SLC28A3: variants seen among roughly 807,000 people sequenced by gnomAD.
The protein encoded by SLC28A3 is solute carrier family 28 member 3, also known as concentrative Na(+)-nucleoside cotransporter 3.
In SLC28A3, 68 loss-of-function variants were observed where a neutral mutation model predicts 84.2. That is an observed-to-expected ratio of 0.81 (90% confidence interval 0.66 to 0.99). The LOEUF is 0.99. Ranked by LOEUF, SLC28A3 falls within the 50% of genes least tolerant of loss-of-function variation. The pLI is 0.00. For synonymous variants in SLC28A3, 267 were observed against 303.6 expected (o/e 0.88, Z 1.25); for missense variants, 712 against 841.5 (o/e 0.85, Z 1.90).
intron 16 of SLC28A3, 117 bp downstream of exon 16, chr9:84,279,858 C>G (rs1225883679): frequency 2.1e-6 from 2 of 953,346 alleles, no homozygotes; most frequent in Non-Finnish European, 3.2e-6. Flanking sequence ...AAGAGCAGCT[C>G]TAACTCTCAG....
chr9:84,285,681 T>C (rs1824953828), intron 13 of SLC28A3, 139 bp from the exon 14 acceptor site: 1 of 976,844 alleles, frequency 1.0e-6, no homozygotes, highest in Non-Finnish European at 1.5e-6. Context: ...TCTTTACCCA[T>C]CAGGAATCAG....
chr9:84,327,537 C>T (rs139123000), intron 1 of SLC28A3, among the ~76,000 whole-genome samples: 111 of 152,168 alleles, frequency 7.3e-4, no homozygotes, highest in African/African-American at 2.6e-3. Context: ...GGAGTCTAGC[C>T]GTTTTGAAGG....
the SLC28A3 span, among the ~76,000 whole-genome samples, chr9:84,356,617 G>T: frequency 1.3e-5 from 2 of 152,072 alleles, no homozygotes; most frequent in Non-Finnish European, 2.9e-5. Context: ...GGATCACAAG[G>T]TTAGGAATTC....
intron 8 of SLC28A3, among the ~76,000 whole-genome samples, chr9:84,296,775 T>C (rs925870493): frequency 6.6e-6 from 1 of 152,236 alleles, no homozygotes; most frequent in African/African-American, 2.4e-5. Context: ...GTTGATGTGG[T>C]TGACCGGCTG....
In SLC28A3 at chr9:84,280,803, A is replaced by G. The variant is rs1318940471; in HGVS notation, c.1727T>C (p.Leu576Pro). ...IGSLGIVIGG[L>P]TSMAPSRKRD... The stretch of plus-strand genomic sequence containing the variant: ...TGAAGAATGTTCTTTTCACTTACTG[A>G]GTCCGCCGATCACGATTCCTAGGGA... The change falls in exon 15 of 18, where the codon CTC becomes CCC. Residue 576 changes from leucine (L) to proline (P), a missense_variant and splice_region_variant. Transcript: ENST00000376238. 1 of 1,613,966 alleles carries G rather than the reference A, an allele frequency of 6.2e-7. No homozygotes were observed. The highest frequency in any genetic ancestry group is 1.3e-5 in the African/African-American group (1 of 74,920).
chr9:84,298,348 G>A (rs372140288), intron 6 of SLC28A3, among the ~76,000 whole-genome samples: 5 of 152,082 alleles, frequency 3.3e-5, no homozygotes, highest in East Asian at 1.9e-4. Context: ...GAAGCCAGGC[G>A]TGGTGGTGAA....
the SLC28A3 span, among the ~76,000 whole-genome samples, chr9:84,361,269 T>C: frequency 6.6e-6 from 1 of 152,130 alleles, no homozygotes; most frequent in Non-Finnish European, 1.5e-5. Flanking sequence ...TGCTTGAACC[T>C]GGGAGGCAAA....
At chr9:84,326,681 CA>C in intron 1 of SLC28A3, among the ~76,000 whole-genome samples, 1 of 137,942 alleles carries the variant, frequency 7.2e-6, no homozygotes, top group Non-Finnish European at 1.6e-5. Flanking sequence ...ACAACAACAA[CA>C]ACCAGGTCTT....
intron 1 of SLC28A3, among the ~76,000 whole-genome samples, chr9:84,317,211 C>A (rs1298272528): frequency 6.6e-6 from 1 of 152,038 alleles, no homozygotes; most frequent in East Asian, 1.9e-4. Flanking sequence ...ATTCTTTGGG[C>A]CTGGTGAAGA....
the SLC28A3 span, among the ~76,000 whole-genome samples, chr9:84,349,149 G>GGATA: frequency 6.6e-6 from 1 of 152,218 alleles, no homozygotes; most frequent in African/African-American, 2.4e-5. Flanking sequence ...TACAGGTTTT[G>GGATA]GGATAGGTGG....
chr9:84,359,214 C>T, the SLC28A3 span, among the ~76,000 whole-genome samples: 1 of 152,160 alleles, frequency 6.6e-6, no homozygotes, highest in African/African-American at 2.4e-5. Flanking sequence ...GGCCATGAGC[C>T]CTCTAATACC....
chr9:84,299,586 T>C lies in SLC28A3; in HGVS notation c.664A>G (p.Thr222Ala). The C allele has an allele frequency of 1.2e-6, 2 of 1,613,682 alleles. No homozygotes were observed. Among genetic ancestry groups the C allele is most frequent in the Non-Finnish European group, 1.7e-6 (2 of 1,179,880 alleles). The stretch of plus-strand genomic sequence containing the variant: ...AAGATCAACTGGATACTTACTCTGG[T>C]TGGGTACTTGGAAAATAGAAATAAC... ...VLLFLFSKYP[T>A]RVYWRPVLWG... The change falls in exon 6 of 18, where the codon ACC (threonine) becomes GCC (alanine). Residue 222 changes from threonine (T) to alanine (A), a missense_variant. Thr to Ala is a moderately conservative substitution (Grantham distance 58, BLOSUM62 0). Transcript: ENST00000376238.
the SLC28A3 span, among the ~76,000 whole-genome samples, chr9:84,361,696 G>A: frequency 1.3e-5 from 2 of 151,836 alleles, no homozygotes; most frequent in African/African-American, 4.8e-5. Flanking sequence ...TACGCCCCTA[G>A]GGTAGATTCC....
At chr9:84,302,084 G>T in intron 5 of SLC28A3, 116 bp downstream of exon 5, 2 of 928,258 alleles carry the variant, frequency 2.2e-6, no homozygotes, top group Non-Finnish European at 3.2e-6. Flanking sequence ...TTCCTAGGGT[G>T]TTTCTAGCTT....
rs1158268731 is a variant in SLC28A3, at chr9:84,313,436, C to T, written c.79G>A (p.Glu27Lys). 1.9e-6 allele frequency: 3 copies of T among 1,613,698 alleles called. No individual in the cohort carries two copies. The highest frequency in any genetic ancestry group is 2.2e-5 in the East Asian group (1 of 44,862). The part of the protein sequence containing the change: ...VGFQNEENFL[E>K]NENTSGNNSI... ...TTGTTTCCTGATGTGTTCTCGTTCT[C>T]AAGAAAGTTTTCTTCATTCTAAGAA... Residue 27 changes from glutamate (E) to lysine (K), a missense_variant, in exon 2 of 18, where the codon GAG becomes AAG. By Grantham distance (56) the Glu-to-Lys change is moderately conservative. Transcript: ENST00000376238.
At chr9:84,331,967 G>A (rs544411729) in intron 1 of SLC28A3, among the ~76,000 whole-genome samples, 3 of 152,142 alleles carry the variant, frequency 2.0e-5, no homozygotes, top group Admixed American at 6.6e-5. Context: ...CTTTTTTAAA[G>A]CAATGTTGAT....
intron 2 of SLC28A3, among the ~76,000 whole-genome samples, chr9:84,311,914 G>A (rs1826001559): frequency 6.6e-6 from 1 of 152,150 alleles, no homozygotes; most frequent in Admixed American, 6.5e-5. Context: ...TGCCTTGAAA[G>A]CACTATTTAC....
intron 1 of SLC28A3, among the ~76,000 whole-genome samples, chr9:84,314,658 TAC>T (rs2118439288): frequency 6.6e-6 from 1 of 152,388 alleles, no homozygotes; most frequent in Non-Finnish European, 1.5e-5. Context: ...CCTTTTTTGT[TAC>T]AGTTGCTTAT....
At chr9:84,327,508 C>G (rs550150169) in intron 1 of SLC28A3, among the ~76,000 whole-genome samples, 3 of 152,102 alleles carry the variant, frequency 2.0e-5, no homozygotes, top group African/African-American at 7.2e-5. Flanking sequence ...CCTCAACAAC[C>G]CTGCAATCAT....
Sources: gnomAD v4.1 joint callset for allele counts (sites outside exome capture counted in the v4.1 genomes callset) on GRCh38, gnomAD v4.1.1 for gene constraint, MANE v1.5 for transcripts, NCBI Gene and HGNC (gene_info 2026-07-23, HGNC 2026-07-21) for gene names.